CCNC: variants seen among roughly 807,000 people sequenced by gnomAD.
The protein encoded by CCNC is cyclin-C.
In CCNC, 19 loss-of-function variants were observed where a neutral mutation model predicts 50.0. The ratio of observed to expected loss-of-function variants is 0.38; its 90% confidence interval spans 0.27 to 0.56. CCNC has a LOEUF of 0.56. CCNC is among the 20% of genes least tolerant of loss of function. The pLI is 0.72. For synonymous variants in CCNC, 93 were observed against 103.7 expected (o/e 0.90, Z 0.63); for missense variants, 200 against 327.1 (o/e 0.61, Z 3.00).
intron 5 of CCNC, among the ~76,000 whole-genome samples, chr6:99,555,906 C>G (rs1202947876): frequency 6.6e-6 from 1 of 152,142 alleles, no homozygotes; most frequent in Admixed American, 6.5e-5. Flanking sequence ...AGCTCCCCAA[C>G]CCCCAGGCAA....
intron 9 of CCNC, among the ~76,000 whole-genome samples, chr6:99,547,040 T>C (rs2114254498): frequency 6.8e-6 from 1 of 147,708 alleles, no homozygotes; most frequent in South Asian, 2.2e-4. Flanking sequence ...TGTAATATAC[T>C]GTATACAATA....
At chr6:99,566,861 A>G (rs766015670) in intron 1 of CCNC, 1 of 427,706 alleles carries the variant, frequency 2.3e-6, no homozygotes, top group Non-Finnish European at 4.7e-6. Context: ...GAAATATAGC[A>G]TATTTAATAT....
At chr6:99,558,355 A>C (rs993444029) in intron 5 of CCNC, 142 bp downstream of exon 5, 24 of 1,287,814 alleles carry the variant, frequency 1.9e-5, no homozygotes, top group Non-Finnish European at 2.5e-5. Context: ...TGCCAGATAC[A>C]CTAGATATAA....
intron 1 of CCNC, 30 bp downstream of exon 1, chr6:99,568,466 C>A: frequency 6.2e-7 from 1 of 1,607,934 alleles, no homozygotes; most frequent in Non-Finnish European, 8.5e-7. Context: ...CAAAAACCGG[C>A]CCCAGGTGAG....
chr6:99,568,718 T>A (rs2114449887), upstream of CCNC: 1 of 1,429,144 alleles, frequency 7.0e-7, no homozygotes, highest in African/African-American at 1.4e-5. Flanking sequence ...AACACTCAAC[T>A]GTGCAAACCC....
intron 9 of CCNC, among the ~76,000 whole-genome samples, chr6:99,547,597 A>G (rs1562487672): frequency 6.6e-6 from 1 of 152,206 alleles, no homozygotes; most frequent in Non-Finnish European, 1.5e-5. Context: ...CTTAGGTTGA[A>G]CAATTCTTTG....
At chr6:99,556,313 G>C (rs1802507552) in intron 5 of CCNC, among the ~76,000 whole-genome samples, 2 of 152,066 alleles carry the variant, frequency 1.3e-5, no homozygotes, top group Non-Finnish European at 2.9e-5. Flanking sequence ...ATTTGACTAA[G>C]TATTCCATGT....
intron 5 of CCNC, among the ~76,000 whole-genome samples, chr6:99,556,205 A>T (rs530353534): frequency 4.6e-5 from 7 of 152,306 alleles, no homozygotes; most frequent in African/African-American, 1.7e-4. Flanking sequence ...TTGTGTTAAG[A>T]TATACAAAAT....
intron 1 of CCNC, among the ~76,000 whole-genome samples, chr6:99,563,754 T>G (rs1005063287): frequency 6.6e-5 from 10 of 152,190 alleles, no homozygotes; most frequent in African/African-American, 2.4e-4. Context: ...AGCTAAAATT[T>G]TGTCAAATGC....
intron 9 of CCNC, among the ~76,000 whole-genome samples, chr6:99,547,002 T>C (rs1583568811): frequency 6.6e-6 from 1 of 152,324 alleles, no homozygotes; most frequent in East Asian, 1.9e-4. Flanking sequence ...AATTCAGTGT[T>C]GTAATCAAAT....
chr6:99,564,256 C>G (rs1769006568), intron 1 of CCNC, among the ~76,000 whole-genome samples: 2 of 151,998 alleles, frequency 1.3e-5, no homozygotes, highest in African/African-American at 2.4e-5. Context: ...GAAACTCCAT[C>G]TCTACTAAAA....
Position 99,542,915 on chromosome 6 carries a change from G to T in CCNC, c.*640C>A, listed in dbSNP as rs573640406. The T allele has an allele frequency of 3.3e-5, 5 of 152,652 alleles. No individual in the cohort carries two copies. The highest frequency in any genetic ancestry group is 2.6e-4 in the Admixed American group (4 of 15,272). The allele number at this position is 152,652 out of a possible 1,614,324, so 9.5% of individuals were successfully genotyped here. ...TTTCAAAATGGTTATGGACTATCAT[G>T]TTTAAAATGTCAAAGTATGCTATAC... On this transcript the variant is annotated 3_prime_UTR_variant, in exon 12 of 12. Transcript: ENST00000520429.
At position 99,558,493 on chromosome 6, in the gene CCNC, T is replaced by A; in HGVS notation, c.346+4A>T. On this transcript the variant is annotated splice_donor_region_variant and intron_variant, in intron 5 of 11. Transcript: ENST00000520429. ...CTTAAAGCAGATATACTTTTTGCAC[T>A]TACATACAGAAGTAGCAGCAGCAAT... 6.2e-7 allele frequency: 1 copy of A among 1,611,700 alleles called. No individual in the cohort carries two copies. The highest frequency in any genetic ancestry group is 8.5e-7 in the Non-Finnish European group (1 of 1,179,042).
chr6:99,556,263 C>A (rs1013821174), intron 5 of CCNC, among the ~76,000 whole-genome samples: 1 of 152,122 alleles, frequency 6.6e-6, no homozygotes, highest in Non-Finnish European at 1.5e-5. Context: ...CCTATACCAC[C>A]CTTCCTCCAG....
intron 5 of CCNC, among the ~76,000 whole-genome samples, chr6:99,552,440 A>G (rs1337715821): frequency 1.3e-5 from 2 of 152,138 alleles, no homozygotes; most frequent in African/African-American, 2.4e-5. Flanking sequence ...TAAAAGCATT[A>G]ATATATATGC....
chr6:99,568,326 G>A (rs1769243855), intron 1 of CCNC, 170 bp downstream of exon 1: 3 of 618,860 alleles, frequency 4.8e-6, no homozygotes, highest in Non-Finnish European at 8.5e-6. Context: ...CTGGGGGCGG[G>A]GAGGGGAGTC....
intron 5 of CCNC, chr6:99,558,156 A>T (rs1190836004): frequency 3.2e-6 from 1 of 313,922 alleles, no homozygotes; most frequent in East Asian, 5.2e-5. Context: ...ATCTACCCAT[A>T]AGAATGACAT....
chr6:99,561,727 TATA>T, intron 2 of CCNC, 46 bp from the exon 3 acceptor site: 1 of 1,154,758 alleles, frequency 8.7e-7, no homozygotes, highest in Non-Finnish European at 1.3e-6. Flanking sequence ...CTGGTATCAT[TATA>T]ATATTAACAT....
intron 11 of CCNC, among the ~76,000 whole-genome samples, chr6:99,544,849 C>G (rs567111820): frequency 2.0e-5 from 3 of 151,768 alleles, no homozygotes; most frequent in African/African-American, 7.3e-5. Context: ...ATTCTGTCAG[C>G]TTTAAATTTA....
Sources: allele counts gnomAD v4.1 joint callset (sites outside exome capture counted in the v4.1 genomes callset), GRCh38; gene constraint gnomAD v4.1.1; transcripts MANE v1.5; gene names NCBI Gene and HGNC (gene_info 2026-07-23, HGNC 2026-07-21).